Variants in MEI1 observed in about 807,000 individuals in gnomAD.
The protein encoded by MEI1 is meiotic double-stranded break formation protein 1, also known as meiosis inhibitor protein 1.
MEI1 carries 103 observed loss-of-function variants against 146.2 expected under a neutral mutation model. That is an observed-to-expected ratio of 0.70 (90% CI 0.60 to 0.83). The LOEUF is 0.83. Ranked by LOEUF, MEI1 falls within the 40% of genes least tolerant of loss-of-function variation. The pLI, the probability that MEI1 is intolerant of heterozygous loss-of-function variation, is 0.00. For missense variants in MEI1, 1,529 were observed against 1,533.0 expected (o/e 1.00, Z 0.04); for synonymous variants, 652 against 628.2 (o/e 1.04, Z -0.57).
In MEI1 at chr22:41,795,536, C is replaced by T. The variant is rs6002488; in HGVS notation, c.3660C>T (p.Phe1220=). The change falls in exon 29 of 31, where the codon TTC becomes TTT. Residue 1220 remains phenylalanine, a synonymous_variant. Coordinates refer to ENST00000401548, the MANE Select transcript of MEI1 (RefSeq NM_152513.4). The surrounding 1 kb of genome is among the most constrained non-coding windows in gnomAD (Gnocchi z 4.2). ...CACTCCAGGCCCTGCATGGCTTCTTCCAGCAGGTGGGTGGGAAGGGGAGGC... is the reference window on the plus strand; with the variant it reads ...CACTCCAGGCCCTGCATGGCTTCTTTCAGCAGGTGGGTGGGAAGGGGAGGC... ...NTTLQALHGF[F]QQLQSMGHLA... is the part of the protein sequence containing the mutation. 0.052 allele frequency: 83,161 copies of T among 1,613,640 alleles called. 10,843 individuals are homozygous for T. Among genetic ancestry groups the T allele is most frequent in the African/African-American group, 0.51 (37,863 of 74,868 alleles).
chr22:41,751,055 C>T (rs1022715876), intron 15 of MEI1, among the ~76,000 whole-genome samples: 1 of 151,930 alleles, frequency 6.6e-6, no homozygotes, highest in African/African-American at 2.4e-5. Context: ...CCAGGTAGCA[C>T]AGGATCAGAG....
intron 23 of MEI1, 143 bp from the exon 24 acceptor site, chr22:41,781,542 T>G: frequency 1.7e-6 from 2 of 1,156,784 alleles, no homozygotes; most frequent in South Asian, 3.0e-5. Context: ...CCTGAGCTTC[T>G]GTTATGAAGC....
intron 11 of MEI1, among the ~76,000 whole-genome samples, chr22:41,734,878 C>G (rs1291984272): frequency 6.6e-6 from 1 of 151,910 alleles, no homozygotes. Flanking sequence ...CTCAGGTGAT[C>G]CACCTGTGTC....
chr22:41,717,664 G>A (rs1240981824), intron 5 of MEI1, among the ~76,000 whole-genome samples: 3 of 147,342 alleles, frequency 2.0e-5, no homozygotes, highest in African/African-American at 7.7e-5. Context: ...TGCCTAGGCT[G>A]GAGTGTGGTG....
At chr22:41,747,114 A>G (rs2073357795) in intron 14 of MEI1, among the ~76,000 whole-genome samples, 1 of 152,206 alleles carries the variant, frequency 6.6e-6, no homozygotes. Flanking sequence ...TGTCAACAAG[A>G]ACAGTGCCTC....
rs866398554 is a variant in MEI1 at position 41,784,369 on chromosome 22, C to T, written c.3118C>T (p.Gln1040Ter). 6.2e-7 allele frequency: 1 copy of T among 1,613,776 alleles called. No individual in the cohort carries two copies. ...VHQTLSVEMDQVLKALSFPKK... is the reference protein window; with the variant it reads ...VHQTLSVEMD ...CCAGACACTCTCTGTGGAAATGGAC[C>T]AAGTATTGAAGGCTCTCAGCTTTCC... The change falls in exon 25 of 31, where the codon CAA (glutamine) becomes TAA (stop). Residue 1040 changes from glutamine to a stop codon, truncating the protein, a stop_gained. Transcript: ENST00000401548. LOFTEE classifies it high-confidence loss of function.
chr22:41,739,068 G>C (rs1294480292), intron 11 of MEI1, among the ~76,000 whole-genome samples: 1 of 151,556 alleles, frequency 6.6e-6, no homozygotes, highest in African/African-American at 2.4e-5. Context: ...GCCGAGGCAG[G>C]TGCATCACCT....
chr22:41,739,305 G>T (rs1165805262), intron 11 of MEI1, among the ~76,000 whole-genome samples: 1 of 151,974 alleles, frequency 6.6e-6, no homozygotes, highest in Non-Finnish European at 1.5e-5. Context: ...TTAATATTTT[G>T]TTTTTAACCT....
rs192116766 is a variant in MEI1 at position 41,720,697 on chromosome 22, C to T, written c.733+2423C>T. ...CTGCAAGCTCCACCTCCCGGGTTCA[C>T]GCCATTCTCCTGCCTCAGTCTCCCG... is the stretch of plus-strand genomic sequence containing the variant. On this transcript the variant is annotated intron_variant, in intron 6 of 30. Coordinates refer to ENST00000401548, the MANE Select transcript of MEI1 (RefSeq NM_152513.4). Among the ~76,000 whole-genome samples, 320 of 151,808 alleles carry T rather than the reference C, an allele frequency of 2.1e-3. 1 individual carries two copies. The highest frequency in any genetic ancestry group is 4.3e-3 in the Admixed American group (66 of 15,228).
At position 41,784,540 on chromosome 22, in the gene MEI1, C is replaced by T. The variant is rs2075881663; in HGVS notation, c.3170-68C>T. On this transcript the variant is annotated intron_variant, in intron 25 of 30. Coordinates refer to ENST00000401548, the MANE Select transcript of MEI1 (RefSeq NM_152513.4). ...TGTCTCATCTTCATTGTCTCCCATC[C>T]TGTGACAGAGCTGGGTGGGAGGTGG... 3.1e-6 allele frequency: 5 copies of T among 1,596,912 alleles called. No homozygotes were observed. The South Asian group carries it at 4.5e-5, about 14-fold the overall frequency.
chr22:41,781,019 T>C (rs1875273591), intron 22 of MEI1, among the ~76,000 whole-genome samples: 1 of 152,230 alleles, frequency 6.6e-6, no homozygotes, highest in South Asian at 2.1e-4. Flanking sequence ...GGTGACGATG[T>C]TCACAGGATG....
intron 18 of MEI1, among the ~76,000 whole-genome samples, chr22:41,760,666 G>A (rs966592704): frequency 3.3e-5 from 5 of 152,204 alleles, no homozygotes; most frequent in African/African-American, 9.7e-5. Context: ...CTCTCCAAGT[G>A]CACAATTTCT....
chr22:41,729,579 A>T, intron 7 of MEI1, 86 bp from the exon 8 acceptor site: 1 of 765,634 alleles, frequency 1.3e-6, no homozygotes, highest in Non-Finnish European at 2.3e-6. Flanking sequence ...AAAATGAATT[A>T]GGCTATTGCC....
chr22:41,724,645 C>T (rs753091974), intron 7 of MEI1, among the ~76,000 whole-genome samples: 57 of 143,894 alleles, frequency 4.0e-4, no homozygotes, highest in Admixed American at 1.7e-3. Context: ...ATTAGCTGGG[C>T]GTGGGCGTGG....
chr22:41,763,360 C>A, intron 19 of MEI1, 39 bp downstream of exon 19: 1 of 1,604,408 alleles, frequency 6.2e-7, no homozygotes, highest in Non-Finnish European at 8.5e-7. Flanking sequence ...TCCTTCTGTA[C>A]CTCTTTACAT....
In MEI1 at chr22:41,733,916, C is replaced by T. The variant is rs188830710; in HGVS notation, c.1331+1313C>T. On this transcript the variant is annotated intron_variant, in intron 11 of 30. Transcript: ENST00000401548. ...CCAAGGTCGGCGGACCACCTGAAGTCGGGAGTTTGAGACCAGCCTGGCCAA... is the reference window on the plus strand; with the variant it reads ...CCAAGGTCGGCGGACCACCTGAAGTTGGGAGTTTGAGACCAGCCTGGCCAA... 7.9e-5 allele frequency among the ~76,000 whole-genome samples: 12 copies of T among 151,926 alleles called. 1 individual carries two copies. In the South Asian group the frequency reaches 1.2e-3, roughly 16 times the overall value.
chr22:41,779,616 C>T (rs1602116751), intron 22 of MEI1, among the ~76,000 whole-genome samples: 1 of 152,160 alleles, frequency 6.6e-6, no homozygotes, highest in Non-Finnish European at 1.5e-5. Context: ...ATACGGAATA[C>T]TTATCTAGTT....
intron 7 of MEI1, 138 bp downstream of exon 7, chr22:41,724,211 G>T: frequency 2.7e-6 from 3 of 1,114,586 alleles, no homozygotes; most frequent in Non-Finnish European, 3.8e-6. Flanking sequence ...TACTGGCTGG[G>T]GGCGGTGGCT....
At chr22:41,719,196 A>G (rs2070508187) in intron 6 of MEI1, among the ~76,000 whole-genome samples, 1 of 151,562 alleles carries the variant, frequency 6.6e-6, no homozygotes, top group African/African-American at 2.4e-5. Flanking sequence ...GTTAGACAGG[A>G]TGGTCTCGAT....
Sources: gnomAD v4.1 joint callset for allele counts (sites outside exome capture counted in the v4.1 genomes callset) on GRCh38, gnomAD v4.1.1 for gene constraint, Gnocchi (gnomAD v3.1) non-coding constraint, MANE v1.5 for transcripts, NCBI Gene and HGNC (gene_info 2026-07-23, HGNC 2026-07-21) for gene names.